The following TIMP3 variants were observed in gnomAD, a reference collection of about 807,000 sequenced individuals.
The protein encoded by TIMP3 is TIMP metallopeptidase inhibitor 3.
In TIMP3, 11 loss-of-function variants were observed where a neutral mutation model predicts 30.0. The ratio of observed to expected loss-of-function variants is 0.37; its 90% CI spans 0.23 to 0.61. The LOEUF is 0.61. Ranked by LOEUF, TIMP3 falls within the 20% of genes least tolerant of loss-of-function variation. The probability of loss-of-function intolerance (pLI) is 0.70; values close to 1 mark genes in which losing one functional copy is unlikely to be tolerated. For missense variants in TIMP3, 181 were observed against 276.8 expected (o/e 0.65, Z 2.45); for synonymous variants, 112 against 111.3 (o/e 1.01, Z -0.04).
intron 1 of TIMP3, among the ~76,000 whole-genome samples, chr22:32,821,884 A>ACTTCT (rs1227721626): frequency 1.3e-5 from 2 of 152,290 alleles, no homozygotes; most frequent in African/African-American, 4.8e-5. Flanking sequence ...GGCCGAGCGC[A>ACTTCT]GTGGCTCACG....
chr22:32,851,143 G>A (rs571410384), intron 2 of TIMP3, among the ~76,000 whole-genome samples: 2 of 152,094 alleles, frequency 1.3e-5, no homozygotes, highest in Non-Finnish European at 2.9e-5. Context: ...CAACAACAAC[G>A]CAAAAAGCCC....
rs1366780271 is a variant in TIMP3 at position 32,862,229 on chromosome 22, T to C, written c.*2852T>C. 1.3e-5 allele frequency: 2 copies of C among 152,224 alleles called. No individual in the cohort carries two copies. Among genetic ancestry groups the C allele is most frequent in the Non-Finnish European group, 2.9e-5 (2 of 68,052 alleles). 9.4% of individuals were successfully genotyped at this position (152,224 alleles called of 1,614,324 possible). A position where few individuals can be genotyped will look rare whatever the true frequency, so the allele number is the denominator to read the frequency against. ...TGATTTTCCTAAGAATCCAGGGCCA[T>C]GGGAGATACAATTCCAAGTTCTCGC... On this transcript the variant is annotated 3_prime_UTR_variant, in exon 5 of 5. Coordinates refer to ENST00000266085, the MANE Select transcript of TIMP3 (RefSeq NM_000362.5).
intron 1 of TIMP3, among the ~76,000 whole-genome samples, chr22:32,807,981 T>C (rs577895661): frequency 3.3e-5 from 5 of 152,274 alleles, no homozygotes; most frequent in African/African-American, 1.2e-4. Context: ...GTGTTTTTTT[T>C]CCTTCTTTTT....
chr22:32,836,555 G>C (rs935434039), intron 1 of TIMP3, among the ~76,000 whole-genome samples: 6 of 152,228 alleles, frequency 3.9e-5, no homozygotes, highest in Admixed American at 1.3e-4. Context: ...TCATTCCTCC[G>C]CACCTTCAGT....
intron 1 of TIMP3, among the ~76,000 whole-genome samples, chr22:32,817,863 G>A (rs1255464863): frequency 6.6e-6 from 1 of 152,170 alleles, no homozygotes; most frequent in Non-Finnish European, 1.5e-5. Context: ...ACATACCGGT[G>A]CAACCCCACC....
intron 1 of TIMP3, among the ~76,000 whole-genome samples, chr22:32,824,595 C>T (rs1434211398): frequency 6.6e-6 from 1 of 152,028 alleles, no homozygotes; most frequent in Non-Finnish European, 1.5e-5. Context: ...ATATATATGT[C>T]ATTGAACTCA....
At chr22:32,839,212 C>T (rs766833892) in intron 1 of TIMP3, among the ~76,000 whole-genome samples, 169 of 151,910 alleles carry the variant, frequency 1.1e-3, no homozygotes, top group Non-Finnish European at 1.5e-4. Flanking sequence ...TATATGCCAC[C>T]GAGCTATGCA....
At chr22:32,858,357 C>T (rs990206472) in intron 4 of TIMP3, among the ~76,000 whole-genome samples, 1 of 152,134 alleles carries the variant, frequency 6.6e-6, no homozygotes, top group African/African-American at 2.4e-5. Flanking sequence ...CTGCTGTAAT[C>T]GGCTGCCTCC....
At chr22:32,847,767 G>A (rs757526139) in intron 1 of TIMP3, among the ~76,000 whole-genome samples, 13 of 152,072 alleles carry the variant, frequency 8.5e-5, no homozygotes, top group Admixed American at 5.2e-4. Flanking sequence ...ACTCCTTTTT[G>A]GGCTAAGTGC....
At chr22:32,809,059 TA>T (rs1357310442) in intron 1 of TIMP3, among the ~76,000 whole-genome samples, 13 of 152,310 alleles carry the variant, frequency 8.5e-5, no homozygotes, top group African/African-American at 3.1e-4. Flanking sequence ...ATCACAAACA[TA>T]ATACTGTAAT....
At chr22:32,838,999 G>A (rs943462586) in intron 1 of TIMP3, among the ~76,000 whole-genome samples, 6 of 151,676 alleles carry the variant, frequency 4.0e-5, no homozygotes, top group African/African-American at 1.5e-4. Flanking sequence ...AGCTTGGCCT[G>A]GGGTGGACAG....
chr22:32,814,337 A>AAGAAAGAAAGAAAGAAAGAGAAAGAAAG (rs1569245441), intron 1 of TIMP3, among the ~76,000 whole-genome samples: 4 of 25,878 alleles, frequency 1.5e-4, no homozygotes, highest in African/African-American at 6.2e-4. Context: ...GAAAGAAAGA[A>AAGAAAGAAAGAAAGAAAGAGAAAGAAAG]AGAGAAAGAA....
chr22:32,823,059 AG>A (rs1406871894), intron 1 of TIMP3, among the ~76,000 whole-genome samples: 1 of 152,224 alleles, frequency 6.6e-6, no homozygotes, highest in Non-Finnish European at 1.5e-5. Context: ...AATTTGATCC[AG>A]TGTTTTCTGG....
At chr22:32,819,678 C>T (rs113376806) in intron 1 of TIMP3, among the ~76,000 whole-genome samples, 75 of 152,272 alleles carry the variant, frequency 4.9e-4, no homozygotes, top group Middle Eastern at 6.8e-3. Context: ...CAATCAAGGA[C>T]CTGGAGTAAG....
intron 1 of TIMP3, among the ~76,000 whole-genome samples, chr22:32,829,317 T>G (rs1300494465): frequency 2.0e-5 from 3 of 152,218 alleles, no homozygotes; most frequent in African/African-American, 4.8e-5. Flanking sequence ...CTGTTGGTGC[T>G]GAAAGAATGC....
At chr22:32,840,538 G>GC (rs1569266991) in intron 1 of TIMP3, among the ~76,000 whole-genome samples, 1 of 151,990 alleles carries the variant, frequency 6.6e-6, no homozygotes, top group African/African-American at 2.4e-5. Flanking sequence ...TGCAGTGGGA[G>GC]GGGGGTCATC....
intron 2 of TIMP3, among the ~76,000 whole-genome samples, chr22:32,854,032 T>C (rs2048295831): frequency 6.6e-6 from 1 of 152,222 alleles, no homozygotes; most frequent in South Asian, 2.1e-4. Context: ...ATTCTAGGAT[T>C]CTCTGATGTC....
rs555932326 is a variant in TIMP3, at chr22:32,802,307, C to G, written c.121+185C>G. 1.1e-4 allele frequency among the ~76,000 whole-genome samples: 17 copies of G among 152,170 alleles called. No individual in the cohort carries two copies. The East Asian group carries it at 3.3e-3, about 30-fold the overall frequency. On this transcript the variant is annotated intron_variant, in intron 1 of 4. Coordinates refer to ENST00000266085, the MANE Select transcript of TIMP3 (RefSeq NM_000362.5). ...CTGGCATAGCTGAGAGGGGAAGATG[C>G]CCTGCAGAGGAAACTCACAGTGGCT...
chr22:32,853,358 G>A lies in TIMP3; in HGVS notation c.204+3824G>A, dbSNP rs193055300. Among the ~76,000 whole-genome samples the A allele has an allele frequency of 1.2e-4, 18 of 152,324 alleles. No homozygotes were observed. The East Asian group carries it at 1.7e-3, about 15-fold the overall frequency. On this transcript the variant is annotated intron_variant, in intron 2 of 4. Transcript: ENST00000266085. ...AGAATTTGTGGGTTTAAATGAGTCC[G>A]TGATGTACACCAGCATCCAGAACAG...
Sources: gnomAD v4.1 joint callset for allele counts (sites outside exome capture counted in the v4.1 genomes callset) on GRCh38, gnomAD v4.1.1 for gene constraint, MANE v1.5 for transcripts, NCBI Gene and HGNC (gene_info 2026-07-23, HGNC 2026-07-21) for gene names.